Variants in SBNO2 observed in about 807,000 individuals in gnomAD.
SBNO2 encodes protein strawberry notch homolog 2.
Under a neutral mutation model 146.3 loss-of-function variants are expected in SBNO2, and 89 were observed. The ratio of observed to expected loss-of-function variants is 0.61; its 90% CI spans 0.51 to 0.73. SBNO2 has a LOEUF of 0.73. Ranked by LOEUF, SBNO2 falls within the 30% of genes least tolerant of loss-of-function variation. SBNO2 has a pLI of 0.00. For synonymous variants in SBNO2, 1,147 were observed against 892.6 expected (o/e 1.29, Z -5.08); for missense variants, 2,092 against 2,003.7 (o/e 1.04, Z -0.84).
Position 1,108,557 on chromosome 19 carries a change from T to A in SBNO2, c.3764A>T (p.Glu1255Val). The A allele has an allele frequency of 2.4e-6, 3 of 1,236,810 alleles. No individual in the cohort carries two copies. The highest frequency in any genetic ancestry group is 3.0e-6 in the Non-Finnish European group (3 of 990,246). 76.6% of individuals were successfully genotyped at this position (1,236,810 alleles called of 1,614,324 possible). A position where few individuals can be genotyped will look rare whatever the true frequency, so the allele number is the denominator to read the frequency against. Residue 1255 changes from glutamate to valine, a missense_variant, in exon 32 of 32, where the codon GAG becomes GTG. By Grantham distance (121) the Glu-to-Val change is moderately radical (BLOSUM62 -2). Transcript: ENST00000361757. Reference sequence around the variant, plus strand: ...GGGGCTGTAGGTGAGGTCCAGCACCTCTCCGGGGCCGCAAGGCAGCGCCAG... The same window carrying A: ...GGGGCTGTAGGTGAGGTCCAGCACCACTCCGGGGCCGCAAGGCAGCGCCAG... ...RPLALPCGPG[E>V]VLDLTYSPPA...
rs751501291 is a variant in SBNO2 at position 1,122,803 on chromosome 19, G to A, written c.781-12C>T. 3 of 1,538,092 alleles carry A rather than the reference G, an allele frequency of 2.0e-6. No homozygotes were observed. The highest frequency in any genetic ancestry group is 2.4e-5 in the South Asian group (2 of 83,982). On this transcript the variant is annotated splice_polypyrimidine_tract_variant and intron_variant, in intron 8 of 31. Transcript: ENST00000361757. ...AGGACCTCGTGTTGCTGTTGCCGGAGAGCAGGCGTCAGGGCCTGGGGGTGC... is the reference window on the plus strand; with the variant it reads ...AGGACCTCGTGTTGCTGTTGCCGGAAAGCAGGCGTCAGGGCCTGGGGGTGC...
Position 1,154,202 on chromosome 19 carries a change from G to A in SBNO2, c.75C>T (p.Tyr25=). 2 of 1,250,644 alleles carry A rather than the reference G, an allele frequency of 1.6e-6. No individual in the cohort carries two copies. Among genetic ancestry groups the A allele is most frequent in the Non-Finnish European group, 2.0e-6 (2 of 997,338 alleles). The allele number at this position is 1,250,644 out of a possible 1,614,324, so 77.5% of individuals were successfully genotyped here. ...GGCTCACCTGCAGGGGCGGCGGGCT[G>A]TACAGGAGGCTGCCCGCCGGCGGGG... is the stretch of plus-strand genomic sequence containing the variant. ...HEPPPAGSLL[Y]SPPPLQSAML... Residue 25 remains tyrosine, a synonymous_variant, in exon 2 of 32, where the codon TAC becomes TAT. Coordinates refer to ENST00000361757, the MANE Select transcript of SBNO2 (RefSeq NM_014963.3).
chr19:1,122,618 CCA>C, intron 9 of SBNO2, 38 bp downstream of exon 9: 1 of 1,506,100 alleles, frequency 6.6e-7, no homozygotes, highest in Non-Finnish European at 8.9e-7. Flanking sequence ...CTTCCGCCCC[CCA>C]CCCCCGCTCC....
intron 4 of SBNO2, among the ~76,000 whole-genome samples, chr19:1,129,493 A>G (rs561769727): frequency 7.2e-5 from 11 of 152,218 alleles, no homozygotes; most frequent in Admixed American, 5.2e-4. Flanking sequence ...AGAGCCAGGT[A>G]GGGTGCAGCA....
chr19:1,122,247 G>C lies in SBNO2; in HGVS notation c.1041C>G (p.Val347=). The change falls in exon 11 of 32, where the codon GTC becomes GTG. Residue 347 remains valine, a synonymous_variant. Transcript: ENST00000361757. ...KYGDTTTSEG[V]LFATYSALIG... is the part of the protein sequence containing the mutation. ...TCAGGGCGGAGTAGGTGGCGAAGAGGACGCCCTCTGAGGTAGTGGTGTCAC... is the reference window on the plus strand; with the variant it reads ...TCAGGGCGGAGTAGGTGGCGAAGAGCACGCCCTCTGAGGTAGTGGTGTCAC... The C allele has an allele frequency of 6.3e-7, 1 of 1,581,912 alleles. No individual in the cohort carries two copies. Among genetic ancestry groups the C allele is most frequent in the African/African-American group, 1.3e-5 (1 of 74,236 alleles).
intron 4 of SBNO2, among the ~76,000 whole-genome samples, chr19:1,128,533 C>T (rs1215238280): frequency 6.6e-6 from 1 of 152,046 alleles, no homozygotes; most frequent in Non-Finnish European, 1.5e-5. Context: ...GCTGGGATTA[C>T]AGGCACGTGC....
chr19:1,160,208 G>A (rs1267338370), intron 1 of SBNO2, among the ~76,000 whole-genome samples: 1 of 152,182 alleles, frequency 6.6e-6, no homozygotes, highest in Non-Finnish European at 1.5e-5. Context: ...GCCTGGCAGA[G>A]GAAGAGCAGC....
In SBNO2 at chr19:1,144,367, C is replaced by T. The variant is rs576143750; in HGVS notation, c.279+2942G>A. Among the ~76,000 whole-genome samples the T allele has an allele frequency of 5.9e-5, 9 of 152,238 alleles. No individual in the cohort carries two copies. The highest frequency in any genetic ancestry group is 1.0e-4 in the Non-Finnish European group (7 of 68,014). ...ATTTGGGTCCAAGCTGCCCCACATA[C>T]GGACGCTGGAGCATGAGGCGGCTGT... On this transcript the variant is annotated intron_variant, in intron 4 of 31. Coordinates refer to ENST00000361757, the MANE Select transcript of SBNO2 (RefSeq NM_014963.3). This position sits in a 1 kb window ranked among gnomAD's most constrained non-coding sequence, Gnocchi z 4.1.
At position 1,109,005 on chromosome 19, in the gene SBNO2, TCCCAGGGGCCCGCAGGCTC is replaced by T. The variant is rs1744299484; in HGVS notation, c.3426-55_3426-37del. 2 of 1,490,178 alleles carry T rather than the reference TCCCAGGGGCCCGCAGGCTC, an allele frequency of 1.3e-6. No individual in the cohort carries two copies. The highest frequency in any genetic ancestry group is 2.6e-5 in the South Asian group (2 of 76,986). The allele number at this position is 1,490,178 out of a possible 1,614,324, so 92.3% of individuals were successfully genotyped here. A position where few individuals can be genotyped will look rare whatever the true frequency, so the allele number is the denominator to read the frequency against. On this transcript the variant is annotated intron_variant, in intron 30 of 31. Transcript: ENST00000361757. This position sits in a 1 kb window ranked among gnomAD's most constrained non-coding sequence, Gnocchi z 4.2. ...GACGGGTCGTCTCGGCTCAGGCGGG[TCCCAGGGGCCCGCAGGCTC>T]CCCAGGTGCCCTGAGATCTCCCGCC...
chr19:1,138,182 G>C (rs2080102040), intron 4 of SBNO2, among the ~76,000 whole-genome samples: 2 of 125,966 alleles, frequency 1.6e-5, no homozygotes. Context: ...GCTCGGGCTG[G>C]GGTGCGGTGG....
chr19:1,142,824 G>C lies in SBNO2; in HGVS notation c.279+4485C>G, dbSNP rs932159067. ...TCTACTAAAAATATAAAAATTAGCC[G>C]GGCGTGGTGGTGGGTGCCTGTAGTC... is the stretch of plus-strand genomic sequence containing the variant. On this transcript the variant is annotated intron_variant, in intron 4 of 31. Coordinates refer to ENST00000361757, the MANE Select transcript of SBNO2 (RefSeq NM_014963.3). Among the ~76,000 whole-genome samples the C allele has an allele frequency of 2.0e-5, 3 of 151,746 alleles. No homozygotes were observed. The South Asian group carries it at 6.2e-4, about 32-fold the overall frequency.
At chr19:1,123,122 G>A (rs1281899315) in intron 7 of SBNO2, 77 bp from the exon 8 acceptor site, 142 of 1,512,238 alleles carry the variant, frequency 9.4e-5, no homozygotes, top group Non-Finnish European at 1.2e-4. Context: ...CACGCTGGGC[G>A]GGTCTGGGGC....
At chr19:1,160,810 G>A (rs1485822690) in intron 1 of SBNO2, among the ~76,000 whole-genome samples, 9 of 152,068 alleles carry the variant, frequency 5.9e-5, no homozygotes, top group Admixed American at 2.0e-4. Flanking sequence ...AATTACAGGC[G>A]TGAGCCACCA....
Position 1,113,526 on chromosome 19 carries a change from C to CCCACCCACCTCCG in SBNO2, c.2243_2247+8dup. ...GCCCACCACACTCCAGCTGCCACGT[C>CCCACCCACCTCCG]CCACCCACCTCCGCCACCCGCTGGG... is the stretch of plus-strand genomic sequence containing the variant. On this transcript the variant is annotated intron_variant, in intron 19 of 31. Transcript: ENST00000361757. 6.3e-7 allele frequency: 1 copy of CCCACCCACCTCCG among 1,588,850 alleles called. No individual in the cohort carries two copies. Among genetic ancestry groups the CCCACCCACCTCCG allele is most frequent in the Non-Finnish European group, 8.5e-7 (1 of 1,170,404 alleles).
intron 4 of SBNO2, among the ~76,000 whole-genome samples, chr19:1,146,166 C>G (rs980979434): frequency 1.3e-5 from 2 of 152,176 alleles, no homozygotes; most frequent in Non-Finnish European, 2.9e-5. Flanking sequence ...TCATCTTGAT[C>G]CCTACCCAAT....
Position 1,158,668 on chromosome 19 carries a change from C to T in SBNO2, c.-126-4266G>A, listed in dbSNP as rs181096903. Among the ~76,000 whole-genome samples the T allele has an allele frequency of 2.4e-4, 37 of 152,268 alleles. No individual in the cohort carries two copies. In the East Asian group the frequency reaches 5.6e-3, roughly 23 times the overall value. On this transcript the variant is annotated intron_variant, in intron 1 of 31. Coordinates refer to ENST00000361757, the MANE Select transcript of SBNO2 (RefSeq NM_014963.3). This position sits in a 1 kb window ranked among gnomAD's most constrained non-coding sequence, Gnocchi z 9.9. ...CGGGCGCGACCGTGGTGATGGAGCC[C>T]GGCAGAGGCCACCGCACAGTCCCTG... is the stretch of plus-strand genomic sequence containing the variant.
At position 1,114,134 on chromosome 19, in the gene SBNO2, G is replaced by T. The variant is rs558042889; in HGVS notation, c.2077+97C>A. 1.1e-5 allele frequency: 13 copies of T among 1,163,256 alleles called. 1 individual carries two copies. In the South Asian group the frequency reaches 1.6e-4, roughly 14 times the overall value. 72.1% of individuals were successfully genotyped at this position (1,163,256 alleles called of 1,614,324 possible). ...TGGGTGGTGACCGCCAGGAGGCCGG[G>T]GGAGCCTCAGGCTGGAATCCTGACC... On this transcript the variant is annotated intron_variant, in intron 18 of 31. Coordinates refer to ENST00000361757, the MANE Select transcript of SBNO2 (RefSeq NM_014963.3).
chr19:1,146,501 A>G (rs2080191140), intron 4 of SBNO2, among the ~76,000 whole-genome samples: 1 of 151,940 alleles, frequency 6.6e-6, no homozygotes, highest in African/African-American at 2.4e-5. Context: ...CCCATTACAC[A>G]GGGGAAGCGG....
intron 4 of SBNO2, among the ~76,000 whole-genome samples, chr19:1,142,065 C>T (rs1410693436): frequency 2.7e-5 from 4 of 149,950 alleles, no homozygotes; most frequent in African/African-American, 7.5e-5. Context: ...TCAACCCTCC[C>T]CTCAATGGCC....
Sources: gnomAD v4.1 joint callset for allele counts (sites outside exome capture counted in the v4.1 genomes callset) on GRCh38, gnomAD v4.1.1 for gene constraint, Gnocchi (gnomAD v3.1) non-coding constraint, MANE v1.5 for transcripts, NCBI Gene and HGNC (gene_info 2026-07-23, HGNC 2026-07-21) for gene names.